Variants in DAP observed in about 807,000 individuals in gnomAD.
DAP encodes death-associated protein 1.
Under a neutral mutation model 13.8 loss-of-function variants are expected in DAP, and 8 were observed. The observed-to-expected ratio is 0.58, with a 90% CI of 0.34 to 1.05. The LOEUF is 1.05. Among genes scored for constraint, DAP ranks in the 50% least tolerant of loss-of-function variants. The pLI is 0.03. For missense variants in DAP, 106 were observed against 133.2 expected (o/e 0.80, Z 1.01); for synonymous variants, 47 against 47.5 (o/e 0.99, Z 0.04).
At chr5:10,722,527 C>G (rs1257859900) in intron 2 of DAP, among the ~76,000 whole-genome samples, 2 of 145,036 alleles carry the variant, frequency 1.4e-5, no homozygotes, top group Admixed American at 7.0e-5. Context: ...TATACATATA[C>G]ATGCATATAT....
chr5:10,706,138 T>A (rs1242080081), intron 2 of DAP, among the ~76,000 whole-genome samples: 2 of 152,246 alleles, frequency 1.3e-5, no homozygotes, highest in African/African-American at 4.8e-5. Context: ...TATTCTGTAT[T>A]AACCACAGCC....
intron 2 of DAP, among the ~76,000 whole-genome samples, chr5:10,694,334 T>C (rs1738380843): frequency 6.6e-6 from 1 of 152,018 alleles, no homozygotes; most frequent in Admixed American, 6.5e-5. Context: ...TCCTTGTCTA[T>C]AAAACTGGAC....
Position 10,680,911 on chromosome 5 carries a change from A to C in DAP, c.*145T>G, listed in dbSNP as rs1434986581. The C allele has an allele frequency of 6.5e-7, 1 of 1,537,724 alleles. No homozygotes were observed. The highest frequency in any genetic ancestry group is 8.7e-7 in the Non-Finnish European group (1 of 1,146,976). On this transcript the variant is annotated 3_prime_UTR_variant, in exon 4 of 4. Transcript: ENST00000230895. ...AGCTGTTTCTAGTTTTAAATATGGA[A>C]ATGTAAGGCAAAGGACAGAGCACTT...
intron 1 of DAP, among the ~76,000 whole-genome samples, chr5:10,756,975 A>G (rs1196607140): frequency 6.6e-6 from 1 of 152,248 alleles, no homozygotes; most frequent in African/African-American, 2.4e-5. Context: ...GTCTCAAATC[A>G]TTAAGGCTGG....
At chr5:10,757,165 T>TG (rs1345958911) in intron 1 of DAP, among the ~76,000 whole-genome samples, 1 of 152,208 alleles carries the variant, frequency 6.6e-6, no homozygotes, top group African/African-American at 2.4e-5. Flanking sequence ...TGGCCAGTGA[T>TG]GGAGTCGTCT....
chr5:10,756,879 C>G (rs566967085), intron 1 of DAP, among the ~76,000 whole-genome samples: 108 of 151,542 alleles, frequency 7.1e-4, no homozygotes, highest in African/African-American at 2.5e-3. Context: ...AATTCTAACT[C>G]TGCTAATCTG....
chr5:10,743,283 T>G (rs985752578), intron 2 of DAP, among the ~76,000 whole-genome samples: 1 of 152,204 alleles, frequency 6.6e-6, no homozygotes, highest in Non-Finnish European at 1.5e-5. Flanking sequence ...TATCAAGCAA[T>G]TGCATTTCCC....
At chr5:10,729,325 C>T (rs1430875644) in intron 2 of DAP, among the ~76,000 whole-genome samples, 1 of 152,190 alleles carries the variant, frequency 6.6e-6, no homozygotes, top group Non-Finnish European at 1.5e-5. Flanking sequence ...AAAATAGGCA[C>T]CCATATCAGA....
chr5:10,722,440 C>A (rs1739164922), intron 2 of DAP, among the ~76,000 whole-genome samples: 1 of 151,996 alleles, frequency 6.6e-6, no homozygotes, highest in Admixed American at 6.6e-5. Flanking sequence ...AGACAGCCTA[C>A]TGTGGGACCT....
intron 2 of DAP, among the ~76,000 whole-genome samples, chr5:10,689,013 C>T (rs1738230158): frequency 6.6e-6 from 1 of 152,190 alleles, no homozygotes. Context: ...CTGCCACAGT[C>T]CCGCCCTTCC....
chr5:10,688,801 GA>G (rs1561007075), intron 2 of DAP, among the ~76,000 whole-genome samples: 2 of 151,696 alleles, frequency 1.3e-5, no homozygotes, highest in South Asian at 4.1e-4. Context: ...GGAACTCCAG[GA>G]CGCAGAGGCG....
At chr5:10,685,940 A>AC (rs1195137504) in intron 2 of DAP, among the ~76,000 whole-genome samples, 8 of 152,030 alleles carry the variant, frequency 5.3e-5, no homozygotes, top group African/African-American at 9.7e-5. Context: ...ACACACACAC[A>AC]AACAAACACC....
chr5:10,719,876 G>T (rs1739093562), intron 2 of DAP, among the ~76,000 whole-genome samples: 1 of 152,166 alleles, frequency 6.6e-6, no homozygotes, highest in African/African-American at 2.4e-5. Flanking sequence ...AGATGGTTCT[G>T]CACAATATGC....
At chr5:10,743,816 C>T (rs1018865851) in intron 2 of DAP, among the ~76,000 whole-genome samples, 5 of 152,198 alleles carry the variant, frequency 3.3e-5, no homozygotes, top group Non-Finnish European at 5.9e-5. Context: ...AAGACTATTA[C>T]TCTTCCTGGA....
intron 2 of DAP, among the ~76,000 whole-genome samples, chr5:10,685,737 TGAAAGGCG>T (rs1738140517): frequency 6.6e-6 from 1 of 152,180 alleles, no homozygotes; most frequent in African/African-American, 2.4e-5. Context: ...GCTGAGGCTC[TGAAAGGCG>T]GAAATGCAGG....
chr5:10,707,161 A>C lies in DAP; in HGVS notation c.153-23590T>G, dbSNP rs1481324883. Among the ~76,000 whole-genome samples, 1 of 152,224 alleles carries C rather than the reference A, an allele frequency of 6.6e-6. No homozygotes were observed. The highest frequency in any genetic ancestry group is 1.9e-4 in the East Asian group (1 of 5,198). On this transcript the variant is annotated intron_variant, in intron 2 of 3. Coordinates refer to ENST00000230895, the MANE Select transcript of DAP (RefSeq NM_004394.3). This position sits in a 1 kb window ranked among gnomAD's most constrained non-coding sequence, Gnocchi z 4.0. ...AATGAAAACTCAACTGGGCATTTACATTTAAGCCAAGTGCTATGAAGGGGA... is the reference window on the plus strand; with the variant it reads ...AATGAAAACTCAACTGGGCATTTACCTTTAAGCCAAGTGCTATGAAGGGGA...
intron 3 of DAP, 149 bp downstream of exon 3, chr5:10,683,380 C>A (rs781121504): frequency 5.3e-5 from 44 of 834,660 alleles, no homozygotes; most frequent in Non-Finnish European, 9.0e-5. Flanking sequence ...TCTGGGGAAA[C>A]GCGGCAATGA....
At chr5:10,748,096 A>T in intron 2 of DAP, 79 bp downstream of exon 2, 2 of 1,018,058 alleles carry the variant, frequency 2.0e-6, no homozygotes, top group Non-Finnish European at 3.1e-6. Context: ...TCAGAATCAT[A>T]GAACAGAGAA....
At chr5:10,693,614 G>T (rs972619340) in intron 2 of DAP, among the ~76,000 whole-genome samples, 24 of 152,202 alleles carry the variant, frequency 1.6e-4, no homozygotes, top group Non-Finnish European at 2.8e-4. Flanking sequence ...TTGCCCAAGG[G>T]TTGCACAGTA....
Sources: allele counts gnomAD v4.1 joint callset (sites outside exome capture counted in the v4.1 genomes callset), GRCh38; gene constraint gnomAD v4.1.1; non-coding constraint Gnocchi (gnomAD v3.1); transcripts MANE v1.5; gene names NCBI Gene and HGNC (gene_info 2026-07-23, HGNC 2026-07-21).